SNED1: variants seen among roughly 807,000 people sequenced by gnomAD.
SNED1 encodes the protein sushi, nidogen and EGF like domains 1.
Under a neutral mutation model 166.7 loss-of-function variants are expected in SNED1, and 81 were observed. The ratio of observed to expected loss-of-function variants is 0.49; its 90% CI spans 0.41 to 0.58. The LOEUF (loss-of-function observed/expected upper bound fraction) is 0.58. Among genes scored for constraint, SNED1 ranks in the 20% least tolerant of loss-of-function variants. SNED1 has a pLI of 0.00. For synonymous variants in SNED1, 762 were observed against 822.0 expected (o/e 0.93, Z 1.25); for missense variants, 1,604 against 2,000.2 (o/e 0.80, Z 3.78).
chr2:241,051,548 T>C lies in SNED1; in HGVS notation c.1736-196T>C, dbSNP rs937958593. 8.9e-6 allele frequency: 4 copies of C among 447,112 alleles called. No individual in the cohort carries two copies. Among genetic ancestry groups the C allele is most frequent in the Non-Finnish European group, 1.2e-5 (3 of 253,728 alleles). 27.7% of individuals were successfully genotyped at this position (447,112 alleles called of 1,614,324 possible). ...GGGCCCACCTGTGACTGAGTTGGGG[T>C]CTCCAGCCTGTGAGCCCCACCCCAG... On this transcript the variant is annotated intron_variant, in intron 12 of 31. Transcript: ENST00000310397. This position sits in a 1 kb window ranked among gnomAD's most constrained non-coding sequence, Gnocchi z 4.7.
At position 241,071,856 on chromosome 2, in the gene SNED1, C is replaced by A; in HGVS notation, c.3795C>A (p.Ser1265Arg). Residue 1265 changes from serine (S) to arginine (R), a missense_variant, in exon 26 of 32, where the codon AGC (serine) becomes AGA (arginine). This residue lies in a region of SNED1 where 367 missense variants were observed against 379.4 expected (regional missense o/e 0.97). Coordinates refer to ENST00000310397, the MANE Select transcript of SNED1 (RefSeq NM_001080437.3). ...RVSARFGGSP[S>R]KAATVRSQPT... ...GCGCCAGGTTCGGTGGCTCACCCAG[C>A]AAAGCAGCCACCGTGAGATCACGTG... is the stretch of plus-strand genomic sequence containing the variant. The A allele has an allele frequency of 6.2e-7, 1 of 1,605,042 alleles. No individual in the cohort carries two copies. Among genetic ancestry groups the A allele is most frequent in the Non-Finnish European group, 8.5e-7 (1 of 1,176,486 alleles).
At chr2:241,070,864 A>ACAGAG (rs2062675796) in intron 24 of SNED1, among the ~76,000 whole-genome samples, 1 of 152,212 alleles carries the variant, frequency 6.6e-6, no homozygotes, top group Middle Eastern at 3.2e-3. Context: ...CCACGGCGGG[A>ACAGAG]CAGAGCAGAG....
In SNED1 at chr2:241,013,219, C is replaced by G. The variant is rs1483397967; in HGVS notation, c.213+14169C>G. Among the ~76,000 whole-genome samples, 2 of 152,320 alleles carry G rather than the reference C, an allele frequency of 1.3e-5. No homozygotes were observed. The highest frequency in any genetic ancestry group is 1.9e-4 in the East Asian group (1 of 5,190). ...TCCTGTCTGACTGAAGGTTTGCACC[C>G]TCCAATCAACATTTCCCCATTTCCC... On this transcript the variant is annotated intron_variant, in intron 1 of 31. Transcript: ENST00000310397. The surrounding 1 kb of genome is among the most constrained non-coding windows in gnomAD (Gnocchi z 4.6).
At chr2:241,052,801 GGGGGGCCCAAGCAGGGTACATGGGATGC>G (rs2061914131) in intron 15 of SNED1, among the ~76,000 whole-genome samples, 2 of 93,434 alleles carry the variant, frequency 2.1e-5, no homozygotes, top group South Asian at 4.3e-4. Context: ...GGTAAGGCCT[GGGGGGCCCAAGCAGGGTACATGGGATGC>G]CGGTGTCAGG....
chr2:241,082,422 A>C, intron 29 of SNED1, 58 bp downstream of exon 29: 1 of 1,361,610 alleles, frequency 7.3e-7, no homozygotes, highest in Admixed American at 1.7e-5. Context: ...TGACTCCTCA[A>C]AGTGCTGTCT....
At chr2:241,090,462 T>G in intron 31 of SNED1, 1 of 1,532,420 alleles carries the variant, frequency 6.5e-7, no homozygotes, top group Non-Finnish European at 8.8e-7. Flanking sequence ...AAAATAATGA[T>G]GAAGAGTATA....
At chr2:241,061,806 T>C (rs1370121140) in intron 16 of SNED1, among the ~76,000 whole-genome samples, 3 of 147,072 alleles carry the variant, frequency 2.0e-5, no homozygotes, top group Admixed American at 6.9e-5. Context: ...TGAGCCAAGA[T>C]CATGCCACTG....
chr2:241,033,668 G>GTA, intron 2 of SNED1, 67 bp from the exon 3 acceptor site: 2 of 1,516,164 alleles, frequency 1.3e-6, no homozygotes, highest in South Asian at 1.3e-5. Context: ...CCAGGATGGT[G>GTA]GACAGGGCAG....
intron 2 of SNED1, among the ~76,000 whole-genome samples, chr2:241,032,651 TA>T (rs200850856): frequency 3.9e-5 from 6 of 152,194 alleles, no homozygotes; most frequent in Admixed American, 1.3e-4. Flanking sequence ...TAAAAAATAA[TA>T]AAAAAAGTGC....
At chr2:241,002,285 C>T (rs773951714) in intron 1 of SNED1, among the ~76,000 whole-genome samples, 28 of 152,136 alleles carry the variant, frequency 1.8e-4, no homozygotes, top group African/African-American at 5.3e-4. Flanking sequence ...CCGAGGCCTG[C>T]GCATGAGTGG....
intron 12 of SNED1, among the ~76,000 whole-genome samples, chr2:241,050,689 C>T (rs548336944): frequency 5.3e-5 from 8 of 152,188 alleles, no homozygotes; most frequent in Non-Finnish European, 1.0e-4. Context: ...CTGCTTGGTT[C>T]TTTGCAAGCT....
At chr2:241,061,583 T>C (rs1450013070) in intron 16 of SNED1, among the ~76,000 whole-genome samples, 2 of 152,246 alleles carry the variant, frequency 1.3e-5, no homozygotes, top group East Asian at 3.9e-4. Context: ...CACAGCAACA[T>C]TTTTTGTAAA....
chr2:241,027,778 G>A (rs1428106875), intron 1 of SNED1, among the ~76,000 whole-genome samples: 4 of 149,806 alleles, frequency 2.7e-5, no homozygotes, highest in Non-Finnish European at 4.4e-5. Flanking sequence ...CTGTGACCCA[G>A]GCTGGAGTGC....
rs1367866073 is a variant in SNED1 at position 241,030,192 on chromosome 2, G to A, written c.214-92G>A. Reference sequence around the variant, plus strand: ...GCCCAGGACTGGCTTCCCCTCAGAGGGTGCCTGGTGGCAGGGGCTGGGGAG... The same window carrying A: ...GCCCAGGACTGGCTTCCCCTCAGAGAGTGCCTGGTGGCAGGGGCTGGGGAG... On this transcript the variant is annotated intron_variant, in intron 1 of 31. Transcript: ENST00000310397. The A allele has an allele frequency of 6.1e-5, 76 of 1,253,020 alleles. No individual in the cohort carries two copies. In the Middle Eastern group the frequency reaches 1.1e-3, roughly 18 times the overall value. 77.6% of individuals were successfully genotyped at this position (1,253,020 alleles called of 1,614,324 possible).
chr2:241,033,979 C>T lies in SNED1; in HGVS notation c.642+104C>T, dbSNP rs994267604. The T allele has an allele frequency of 2.6e-5, 36 of 1,387,016 alleles. No individual in the cohort carries two copies. The South Asian group carries it at 3.6e-4, about 14-fold the overall frequency. 85.9% of individuals were successfully genotyped at this position (1,387,016 alleles called of 1,614,324 possible). ...GCAGGGGCTCACCATAGGCAGATCCCCCAGTACCGTGCAGAGGCCAACGAG... is the reference window on the plus strand; with the variant it reads ...GCAGGGGCTCACCATAGGCAGATCCTCCAGTACCGTGCAGAGGCCAACGAG... On this transcript the variant is annotated intron_variant, in intron 3 of 31. Coordinates refer to ENST00000310397, the MANE Select transcript of SNED1 (RefSeq NM_001080437.3).
chr2:241,002,458 C>T (rs1001187608), intron 1 of SNED1, among the ~76,000 whole-genome samples: 1 of 152,220 alleles, frequency 6.6e-6, no homozygotes, highest in Non-Finnish European at 1.5e-5. Context: ...CCACCCCCTG[C>T]TATGGGCTTG....
intron 1 of SNED1, among the ~76,000 whole-genome samples, chr2:241,002,445 G>A (rs1344396047): frequency 6.6e-6 from 1 of 152,188 alleles, no homozygotes; most frequent in Non-Finnish European, 1.5e-5. Flanking sequence ...TTCCCGGGCT[G>A]GCCCACCCCC....
At chr2:241,015,537 C>T (rs902742682) in intron 1 of SNED1, 1 of 152,638 alleles carries the variant, frequency 6.6e-6, no homozygotes. Context: ...CATCCACATT[C>T]AGTCACAGCA....
Position 241,069,362 on chromosome 2 carries a change from C to T in SNED1, c.3307+339C>T, listed in dbSNP as rs2062601312. ...GGGCCCTTGTACCTTGCAACCAGCC[C>T]CCTCTAGCTAAGCTCCCTAAGTTCC... On this transcript the variant is annotated intron_variant, in intron 23 of 31. Coordinates refer to ENST00000310397, the MANE Select transcript of SNED1 (RefSeq NM_001080437.3). The surrounding 1 kb of genome is among the most constrained non-coding windows in gnomAD (Gnocchi z 4.9). Among the ~76,000 whole-genome samples the T allele has an allele frequency of 6.6e-6, 1 of 152,208 alleles. No individual in the cohort carries two copies. The highest frequency in any genetic ancestry group is 2.1e-4 in the South Asian group (1 of 4,834).
Sources: allele counts gnomAD v4.1 joint callset (sites outside exome capture counted in the v4.1 genomes callset), GRCh38; gene constraint gnomAD v4.1.1; regional missense constraint gnomAD v4.1.1; non-coding constraint Gnocchi (gnomAD v3.1); transcripts MANE v1.5; gene names NCBI Gene and HGNC (gene_info 2026-07-23, HGNC 2026-07-21).